Variants in EYA1 observed in about 807,000 individuals in gnomAD.
The protein encoded by EYA1 is EYA transcriptional coactivator and phosphatase 1.
In EYA1, 16 loss-of-function variants were observed where a neutral mutation model predicts 82.0. The ratio of observed to expected loss-of-function variants is 0.20; its 90% CI spans 0.13 to 0.30. EYA1 has a LOEUF of 0.30. Among genes scored for constraint, EYA1 ranks in the 10% least tolerant of loss-of-function variants. The pLI is 1.00. For missense variants in EYA1, 633 were observed against 730.7 expected, an observed-to-expected ratio of 0.87 and a Z score of 1.54; for synonymous variants, 261 against 264.4, an observed-to-expected ratio of 0.99 and a Z score of 0.12.
chr8:71,385,334 T>C (rs1828917156), intron 2 of EYA1, among the ~76,000 whole-genome samples: 1 of 152,028 alleles, frequency 6.6e-6, no homozygotes, highest in South Asian at 2.1e-4. Flanking sequence ...CAGTTCTCCA[T>C]ATGACAGAAC....
chr8:71,208,019 T>C (rs1808033962), intron 17 of EYA1, among the ~76,000 whole-genome samples: 1 of 152,214 alleles, frequency 6.6e-6, no homozygotes, highest in African/African-American at 2.4e-5. Flanking sequence ...TATTAAAACT[T>C]TATAATATAC....
chr8:71,363,673 T>C (rs746567529), upstream of EYA1, among the ~76,000 whole-genome samples: 51 of 152,150 alleles, frequency 3.4e-4, no homozygotes, highest in Non-Finnish European at 6.5e-4. Context: ...ATACAGCTTG[T>C]AATGGAGATT....
intron 3 of EYA1, among the ~76,000 whole-genome samples, chr8:71,344,107 T>G (rs549030512): frequency 2.6e-5 from 4 of 152,292 alleles, no homozygotes; most frequent in African/African-American, 9.6e-5. Context: ...TATCATTAAC[T>G]AGAGTTCATA....
rs572312182 is a variant in EYA1, at chr8:71,209,659, T to TTACATGCTGTTTCTGGTATA, written c.1698+1477_1698+1496dup. Reference sequence around the variant, plus strand: ...GTGCTGCATCTGTAATCTGGTGACCTTACATGCTGTTTCTGGTATATGCTG... The same window carrying TTACATGCTGTTTCTGGTATA: ...GTGCTGCATCTGTAATCTGGTGACCTTACATGCTGTTTCTGGTATATACATGCTGTTTCTGGTATATGCTG... On this transcript the variant is annotated intron_variant, in intron 17 of 17. Transcript: ENST00000340726. Among the ~76,000 whole-genome samples, 10 of 152,324 alleles carry TTACATGCTGTTTCTGGTATA rather than the reference T, an allele frequency of 6.6e-5. No homozygotes were observed. The South Asian group carries it at 1.9e-3, about 28-fold the overall frequency.
intron 2 of EYA1, among the ~76,000 whole-genome samples, chr8:71,384,535 C>A (rs1290476433): frequency 6.6e-6 from 1 of 152,202 alleles, no homozygotes; most frequent in African/African-American, 2.4e-5. Context: ...GCTGTTCTGG[C>A]AGATACTCCA....
chr8:71,406,482 A>G (rs1830232078), intron 2 of EYA1, among the ~76,000 whole-genome samples: 1 of 152,150 alleles, frequency 6.6e-6, no homozygotes. Context: ...CTCACTAGGG[A>G]GTGCCAGACA....
intron 2 of EYA1, among the ~76,000 whole-genome samples, chr8:71,372,101 A>G (rs1204467058): frequency 1.3e-5 from 2 of 152,124 alleles, no homozygotes; most frequent in African/African-American, 4.8e-5. Flanking sequence ...AAAGAGCTCA[A>G]TGATTACCCA....
intron 5 of EYA1, 107 bp from the exon 6 acceptor site, chr8:71,321,986 G>C: frequency 6.8e-7 from 1 of 1,473,774 alleles, no homozygotes; most frequent in Non-Finnish European, 9.5e-7. Flanking sequence ...GTATCTTAAA[G>C]TAAAACTTTC....
intron 2 of EYA1, among the ~76,000 whole-genome samples, chr8:71,493,828 C>T (rs1377696592): frequency 2.0e-5 from 3 of 149,570 alleles, no homozygotes; most frequent in East Asian, 3.9e-4. Context: ...TCGAGACCAT[C>T]CCGGCTAAAA....
chr8:71,330,485 G>T (rs146745316), intron 4 of EYA1, among the ~76,000 whole-genome samples: 1 of 152,166 alleles, frequency 6.6e-6, no homozygotes, highest in Admixed American at 6.5e-5. Context: ...TCTCTCTAAC[G>T]AATTTCCTTT....
At chr8:71,301,070 C>T (rs1393076058) in intron 7 of EYA1, among the ~76,000 whole-genome samples, 1 of 152,092 alleles carries the variant, frequency 6.6e-6, no homozygotes, top group African/African-American at 2.4e-5. Flanking sequence ...GGCAAATGAG[C>T]AGTATAGGCC....
chr8:71,405,923 C>A (rs934760386), intron 2 of EYA1, among the ~76,000 whole-genome samples: 6 of 152,252 alleles, frequency 3.9e-5, no homozygotes, highest in African/African-American at 1.4e-4. Context: ...TATATGGCAT[C>A]CCCTGATCAC....
intron 1 of EYA1, 90 bp from the exon 2 acceptor site, chr8:71,356,601 A>T (rs1380763113): frequency 6.9e-7 from 1 of 1,457,862 alleles, no homozygotes; most frequent in Non-Finnish European, 9.1e-7. Context: ...TGAGAACGAC[A>T]ATGCTCTCTT....
intron 2 of EYA1, among the ~76,000 whole-genome samples, chr8:71,382,358 T>A (rs1369152958): frequency 4.6e-5 from 7 of 152,066 alleles, no homozygotes; most frequent in Admixed American, 1.3e-4. Flanking sequence ...ACACAGAAAA[T>A]ATCTCAAAAT....
intron 9 of EYA1, among the ~76,000 whole-genome samples, chr8:71,287,260 A>T (rs1818491999): frequency 6.6e-6 from 1 of 152,242 alleles, no homozygotes; most frequent in African/African-American, 2.4e-5. Context: ...TCAGTCATAG[A>T]AATCTCCCAC....
intron 12 of EYA1, among the ~76,000 whole-genome samples, chr8:71,230,213 T>C (rs553133141): frequency 8.3e-4 from 126 of 152,224 alleles, no homozygotes; most frequent in Non-Finnish European, 1.1e-3. Context: ...TGAATTCCTT[T>C]CTCTACTAAG....
intron 11 of EYA1, among the ~76,000 whole-genome samples, chr8:71,265,684 A>T (rs1206287517): frequency 6.6e-6 from 1 of 152,256 alleles, no homozygotes; most frequent in African/African-American, 2.4e-5. Context: ...ATTGTTTATT[A>T]TAAGGAGACC....
intron 2 of EYA1, among the ~76,000 whole-genome samples, chr8:71,440,395 G>T (rs1345123663): frequency 6.6e-6 from 1 of 152,094 alleles, no homozygotes; most frequent in African/African-American, 2.4e-5. Flanking sequence ...GGGCAGGGCT[G>T]GTCAAAATAA....
intron 9 of EYA1, among the ~76,000 whole-genome samples, chr8:71,273,777 T>C (rs1267693077): frequency 1.3e-5 from 2 of 152,202 alleles, no homozygotes; most frequent in Admixed American, 6.5e-5. Context: ...CTCTCTTGAA[T>C]TGGGAGCTCT....
Sources: allele counts gnomAD v4.1 joint callset (sites outside exome capture counted in the v4.1 genomes callset), GRCh38; gene constraint gnomAD v4.1.1; transcripts MANE v1.5; gene names NCBI Gene and HGNC (gene_info 2026-07-23, HGNC 2026-07-21).